The following OC90 variants were observed in gnomAD, a reference collection of about 807,000 sequenced individuals.
OC90 encodes the protein otoconin-90.
In OC90, 46 loss-of-function variants were observed where a neutral mutation model predicts 47.3. The observed-to-expected ratio is 0.97, with a 90% CI of 0.77 to 1.24. The LOEUF (loss-of-function observed/expected upper bound fraction) is 1.24, where lower values mean the gene tolerates loss of function less well. Among genes scored for constraint, OC90 ranks in the 50% most tolerant of loss-of-function variants. OC90 has a pLI of 0.00. For synonymous variants in OC90, 271 were observed against 219.5 expected (o/e 1.23, Z -2.07); for missense variants, 688 against 583.9 (o/e 1.18, Z -1.84).
In OC90 at chr8:132,040,734, C is replaced by T. The variant is rs192636576; in HGVS notation, c.457+310G>A. Among the ~76,000 whole-genome samples the T allele has an allele frequency of 7.9e-5, 12 of 152,350 alleles. No homozygotes were observed. In the East Asian group the frequency reaches 1.9e-3, roughly 24 times the overall value. ...AGAGGAGTTAAATAATTCTGCAATG[C>T]TACACAATGTGTAAGTAGCAAACAA... On this transcript the variant is annotated intron_variant, in intron 6 of 13. Coordinates refer to ENST00000254627, the MANE Select transcript of OC90 (RefSeq NM_001080399.3).
intron 4 of OC90, among the ~76,000 whole-genome samples, chr8:132,043,604 C>T (rs78850047): frequency 2.0e-5 from 3 of 152,170 alleles, no homozygotes; most frequent in South Asian, 4.1e-4. Flanking sequence ...AGCTTAAGGG[C>T]ATCAGGAGTA....
intron 9 of OC90, 65 bp downstream of exon 9, chr8:132,037,373 G>T: frequency 3.0e-6 from 4 of 1,323,664 alleles, no homozygotes; most frequent in Non-Finnish European, 4.3e-6. Flanking sequence ...TTGTTTAAAC[G>T]TGTATAGTCC....
In OC90 at chr8:132,033,135, TA is replaced by T. The variant is rs1352957726; in HGVS notation, c.762del (p.Thr255GlnfsTer5). Reference sequence around the variant, plus strand: ...GGGACAAGGGTTACAATTTTAGCTGTAACCCTTGTTGCAACTATCTCTGCAG... The same window carrying T: ...GGGACAAGGGTTACAATTTTAGCTGTACCCTTGTTGCAACTATCTCTGCAG... ...PGSAEIVATR[V>X]TAKIVTLVPA... On this transcript the variant is annotated frameshift_variant, in exon 11 of 14. Transcript: ENST00000254627. LOFTEE classifies it high-confidence loss of function. 2 of 1,606,784 alleles carry T rather than the reference TA, an allele frequency of 1.2e-6. No homozygotes were observed. Among genetic ancestry groups the T allele is most frequent in the African/African-American group, 1.3e-5 (1 of 74,854 alleles).
intron 9 of OC90, chr8:132,036,330 T>C: frequency 1.3e-6 from 1 of 780,554 alleles, no homozygotes; most frequent in Non-Finnish European, 2.4e-6. Context: ...ATTTCTCCAC[T>C]GGATTCCAGG....
In OC90 at chr8:132,057,297, A is replaced by G. The variant is rs191285917; in HGVS notation, c.-48+2044T>C. On this transcript the variant is annotated intron_variant, in intron 1 of 13. Transcript: ENST00000254627. ...AAGAATGATCAGTTTTGCACAGTGG[A>G]TCTCTGTTTTTCTTTTGTGACACAT... is the stretch of plus-strand genomic sequence containing the variant. Among the ~76,000 whole-genome samples the G allele has an allele frequency of 2.7e-3, 404 of 152,154 alleles. 1 individual carries two copies. Among genetic ancestry groups the G allele is most frequent in the African/African-American group, 9.4e-3 (390 of 41,516 alleles).
intron 13 of OC90, among the ~76,000 whole-genome samples, chr8:132,025,812 G>C (rs1032537669): frequency 6.6e-6 from 1 of 152,208 alleles, no homozygotes; most frequent in Non-Finnish European, 1.5e-5. Context: ...TGCAGAGCCT[G>C]TCTGGATTTG....
chr8:132,040,789 C>A (rs1021699551), intron 6 of OC90, among the ~76,000 whole-genome samples: 7 of 152,216 alleles, frequency 4.6e-5, no homozygotes, highest in Non-Finnish European at 1.0e-4. Context: ...CAGGGTTGTA[C>A]AAGTATAAAA....
intron 2 of OC90, 94 bp from the exon 3 acceptor site, chr8:132,045,977 G>A (rs1239294155): frequency 1.4e-6 from 1 of 718,684 alleles, no homozygotes; most frequent in African/African-American, 1.8e-5. Context: ...GACAAACAAT[G>A]GGAATTCACA....
At chr8:132,046,647 C>T (rs1247062671) in intron 2 of OC90, among the ~76,000 whole-genome samples, 1 of 152,168 alleles carries the variant, frequency 6.6e-6, no homozygotes, top group Admixed American at 6.5e-5. Context: ...TCTAAAAGTT[C>T]AGAGAGCTTA....
Position 132,039,110 on chromosome 8 carries a change from G to C in OC90, c.471C>G (p.Asn157Lys). The C allele has an allele frequency of 6.2e-7, 1 of 1,608,612 alleles. No individual in the cohort carries two copies. The highest frequency in any genetic ancestry group is 8.5e-7 in the Non-Finnish European group (1 of 1,177,426). The part of the protein sequence containing the change: ...SKKIICESKD[N>K]CEHLLCTCDK... ...CACAGGTACACAGCAGGTGCTCACA[G>C]TTGTCCTTGGACTCTGCACACAGCA... The change falls in exon 7 of 14, where the codon AAC becomes AAG. Residue 157 changes from asparagine (N) to lysine (K), a missense_variant. Asn to Lys is a moderately conservative substitution (Grantham distance 94). Transcript: ENST00000254627.
chr8:132,035,535 G>T (rs568012055), intron 9 of OC90, among the ~76,000 whole-genome samples: 3 of 152,276 alleles, frequency 2.0e-5, no homozygotes, highest in African/African-American at 7.2e-5. Flanking sequence ...ACGAAAAAAT[G>T]TTAGAGATGG....
At position 132,033,064 on chromosome 8, in the gene OC90, AT is replaced by A; in HGVS notation, c.833del (p.Asn278MetfsTer27). 1 of 1,610,468 alleles carries A rather than the reference AT, an allele frequency of 6.2e-7. No individual in the cohort carries two copies. Among genetic ancestry groups the A allele is most frequent in the Non-Finnish European group, 8.5e-7 (1 of 1,178,504 alleles). On this transcript the variant is annotated frameshift_variant, in exon 11 of 14. Coordinates refer to ENST00000254627, the MANE Select transcript of OC90 (RefSeq NM_001080399.3). LOFTEE classifies it high-confidence loss of function. ...CTTTTTCAGTGGTCTCCTCAGGATC[AT>A]TTTCAACAGATGACACTGCCAGCCC... ...SLGLAVSSVENDPEETTEKAC... is the reference protein window; with the variant it reads ...SLGLAVSSVEXDPEETTEKAC...
intron 2 of OC90, among the ~76,000 whole-genome samples, chr8:132,052,113 G>A (rs1223322674): frequency 2.0e-5 from 3 of 152,148 alleles, no homozygotes; most frequent in African/African-American, 7.2e-5. Flanking sequence ...CATTTCTCAG[G>A]TTCCAGTGCC....
At chr8:132,048,141 T>A (rs916497937) in intron 2 of OC90, among the ~76,000 whole-genome samples, 33 of 152,298 alleles carry the variant, frequency 2.2e-4, no homozygotes, top group Non-Finnish European at 4.3e-4. Context: ...ACTCCAAAAC[T>A]GTTAGAAGTG....
Position 132,041,576 on chromosome 8 carries a change from C to A in OC90, c.293G>T (p.Gly98Val), listed in dbSNP as rs200563917. The A allele has an allele frequency of 1.3e-3, 2,109 of 1,613,554 alleles. 2 individuals carry two copies. Among genetic ancestry groups the A allele is most frequent in the Non-Finnish European group, 1.7e-3 (1,968 of 1,179,754 alleles). The change falls in exon 5 of 14, where the codon GGT (glycine) becomes GTT (valine). Residue 98 changes from glycine (G) to valine (V), a missense_variant. By Grantham distance (109) the Gly-to-Val change is moderately radical. Transcript: ENST00000254627. ...GLCPRDFEDY[G>V]CTCRFEMEGL... ...TTCCATCTCAAACCTGCAGGTGCAA[C>A]CATAGTCTTCAAAGTCTCGGGGGCA...
Position 132,028,102 on chromosome 8 carries a change from G to A in OC90, c.1138+971C>T, listed in dbSNP as rs115920532. 6.0e-3 allele frequency among the ~76,000 whole-genome samples: 908 copies of A among 152,240 alleles called. 11 individuals carry two copies. The highest frequency in any genetic ancestry group is 0.021 in the African/African-American group (858 of 41,536). On this transcript the variant is annotated intron_variant, in intron 13 of 13. Coordinates refer to ENST00000254627, the MANE Select transcript of OC90 (RefSeq NM_001080399.3). ...GAATCAGTAAGCTTGGGCTATTTAC[G>A]TTAGTCCCAGCCTGCTCGTCACCGG...
At chr8:132,032,924 T>G in intron 11 of OC90, 115 bp downstream of exon 11, 1 of 1,194,938 alleles carries the variant, frequency 8.4e-7, no homozygotes, top group Non-Finnish European at 1.2e-6. Flanking sequence ...GGATGATGTC[T>G]TCTCATCACA....
intron 2 of OC90, among the ~76,000 whole-genome samples, chr8:132,048,661 T>C (rs1235452133): frequency 6.6e-6 from 1 of 151,590 alleles, no homozygotes; most frequent in Non-Finnish European, 1.5e-5. Flanking sequence ...ATGGACAGAA[T>C]GACTGGGGTC....
intron 1 of OC90, 34 bp from the exon 2 acceptor site, chr8:132,055,107 AT>A: frequency 8.5e-7 from 1 of 1,178,028 alleles, no homozygotes. Flanking sequence ...GGATGGAAGC[AT>A]TTTCAGAATT....
Sources: gnomAD v4.1 joint callset for allele counts (sites outside exome capture counted in the v4.1 genomes callset) on GRCh38, gnomAD v4.1.1 for gene constraint, MANE v1.5 for transcripts, NCBI Gene and HGNC (gene_info 2026-07-23, HGNC 2026-07-21) for gene names.